Variants in HECTD4 observed in about 807,000 individuals in gnomAD.
The protein encoded by HECTD4 is probable E3 ubiquitin-protein ligase HECTD4.
Under a neutral mutation model 471.5 loss-of-function variants are expected in HECTD4, and 114 were observed. The ratio of observed to expected loss-of-function variants is 0.24; its 90% confidence interval spans 0.21 to 0.28. HECTD4 has a LOEUF of 0.28. Ranked by LOEUF, HECTD4 falls within the 10% of genes least tolerant of loss-of-function variation. HECTD4 has a pLI of 1.00. For missense variants in HECTD4, 3,866 were observed against 5,651.5 expected (o/e 0.68, Z 10.13); for synonymous variants, 2,012 against 2,256.0 (o/e 0.89, Z 3.07).
Position 112,163,538 on chromosome 12 carries a change from C to CA in HECTD4, c.12897+3_12897+4insT. The CA allele has an allele frequency of 6.9e-7, 1 of 1,459,752 alleles. No individual in the cohort carries two copies. Among genetic ancestry groups the CA allele is most frequent in the Non-Finnish European group, 9.1e-7 (1 of 1,102,196 alleles). The allele number at this position is 1,459,752 out of a possible 1,614,324, so 90.4% of individuals were successfully genotyped here. On this transcript the variant is annotated splice_donor_region_variant and intron_variant, in intron 74 of 75. Transcript: ENST00000682272. The surrounding 1 kb of genome is among the most constrained non-coding windows in gnomAD (Gnocchi z 8.2). ...CCCGCCCAGCCTGGCCCTGGGATGT[C>CA]TACCTTGAGGAACTCGAGGTTGATG... is the stretch of plus-strand genomic sequence containing the variant.
intron 45 of HECTD4, among the ~76,000 whole-genome samples, chr12:112,218,258 T>C (rs899532771): frequency 7.9e-5 from 12 of 152,026 alleles, no homozygotes. Context: ...ACATGGTAGG[T>C]GTATATATTT....
chr12:112,357,202 A>T lies in HECTD4; in HGVS notation c.177+24750T>A, dbSNP rs573373810. ...GATTTGACTGGTAAGTAAAACGCTC[A>T]TTGCCTAATGATAGGCATTTCTGTC... On this transcript the variant is annotated intron_variant, in intron 1 of 75. Coordinates refer to ENST00000682272, the MANE Select transcript of HECTD4 (RefSeq NM_001388303.1). Among the ~76,000 whole-genome samples, 3 of 152,332 alleles carry T rather than the reference A, an allele frequency of 2.0e-5. No homozygotes were observed. In the East Asian group the frequency reaches 5.8e-4, roughly 29 times the overall value.
At chr12:112,310,088 T>C (rs1357982342) in intron 4 of HECTD4, among the ~76,000 whole-genome samples, 2 of 152,198 alleles carry the variant, frequency 1.3e-5, no homozygotes, top group African/African-American at 4.8e-5. Context: ...ATGAGCTCAG[T>C]AAGTGACCCT....
At chr12:112,276,129 A>G (rs1336444594) in intron 9 of HECTD4, among the ~76,000 whole-genome samples, 1 of 152,224 alleles carries the variant, frequency 6.6e-6, no homozygotes, top group African/African-American at 2.4e-5. Flanking sequence ...GTTAAAGGCA[A>G]GCACCAATTC....
Position 112,274,934 on chromosome 12 carries a change from T to C in HECTD4, c.1714A>G (p.Ile572Val), listed in dbSNP as rs1050198416. 1.6e-5 allele frequency: 25 copies of C among 1,549,438 alleles called. No individual in the cohort carries two copies. The highest frequency in any genetic ancestry group is 2.2e-5 in the Non-Finnish European group (25 of 1,146,146). The change falls in exon 10 of 76, where the codon ATT becomes GTT. Residue 572 changes from isoleucine to valine, a missense_variant. By Grantham distance (29) the Ile-to-Val change is conservative. This residue lies in a region of HECTD4 where 525 missense variants were observed against 672.6 expected (regional missense o/e 0.78). Coordinates refer to ENST00000682272, the MANE Select transcript of HECTD4 (RefSeq NM_001388303.1). ...KILASSLVYN[I>V]SDGQFTSRAD... ...CGACTTGTAAACTGACCATCCGAAA[T>C]ATTATACACCAAGCTGGAGGCTAGG...
chr12:112,349,881 A>G (rs781660100), intron 1 of HECTD4, among the ~76,000 whole-genome samples: 34 of 152,338 alleles, frequency 2.2e-4, no homozygotes, highest in Non-Finnish European at 4.7e-4. Context: ...GACTGGGAAC[A>G]CATTGAATAA....
Position 112,162,895 on chromosome 12 carries a change from G to A in HECTD4, c.13120+147C>T, listed in dbSNP as rs377506093. On this transcript the variant is annotated intron_variant, in intron 75 of 75. Coordinates refer to ENST00000682272, the MANE Select transcript of HECTD4 (RefSeq NM_001388303.1). This position sits in a 1 kb window ranked among gnomAD's most constrained non-coding sequence, Gnocchi z 5.2. ...CAGGCCTGTATGGCTGGTTCCTGCC[G>A]GGCCCTAATCCTCAATGATGTCTGA... 2.1e-4 allele frequency: 136 copies of A among 659,092 alleles called. 2 individuals are homozygous for A. The highest frequency in any genetic ancestry group is 1.1e-3 in the South Asian group (56 of 50,420). The allele number at this position is 659,092 out of a possible 1,614,324, so 40.8% of individuals were successfully genotyped here.
intron 1 of HECTD4, among the ~76,000 whole-genome samples, chr12:112,356,402 ACT>A (rs1294356449): frequency 1.3e-5 from 2 of 151,716 alleles, no homozygotes; most frequent in Non-Finnish European, 1.5e-5. Context: ...TTTCCGTCTC[ACT>A]CTCTTTCTGG....
intron 7 of HECTD4, among the ~76,000 whole-genome samples, chr12:112,303,648 G>A (rs554418893): frequency 3.9e-5 from 6 of 152,134 alleles, no homozygotes; most frequent in African/African-American, 1.2e-4. Flanking sequence ...TCAGGAGTTC[G>A]AAGCCAGCCC....
At chr12:112,335,985 T>C (rs995279840) in intron 1 of HECTD4, among the ~76,000 whole-genome samples, 1 of 151,700 alleles carries the variant, frequency 6.6e-6, no homozygotes, top group African/African-American at 2.4e-5. Context: ...GATGAAGTTA[T>C]ATACCATCAC....
chr12:112,326,809 G>C (rs2035753821), intron 1 of HECTD4, among the ~76,000 whole-genome samples: 1 of 152,100 alleles, frequency 6.6e-6, no homozygotes, highest in Non-Finnish European at 1.5e-5. Context: ...ATAGCAGAGA[G>C]ATAATTATTG....
chr12:112,308,804 G>A lies in HECTD4; in HGVS notation c.1113C>T (p.Phe371=), dbSNP rs781321572. 6.4e-5 allele frequency: 99 copies of A among 1,535,842 alleles called. No homozygotes were observed. Among genetic ancestry groups the A allele is most frequent in the Non-Finnish European group, 8.4e-5 (96 of 1,146,840 alleles). The change falls in exon 6 of 76, where the codon TTC becomes TTT. Residue 371 remains phenylalanine (F), a synonymous_variant. Coordinates refer to ENST00000682272, the MANE Select transcript of HECTD4 (RefSeq NM_001388303.1). ...GGAAAAGGGAGTGAGGTTTATTATC[G>A]AAAGAGACAGGCCGGTGGAGAAGAC... ...SGSLLHRPVS[F]DNKPHSLFQV... is the part of the protein sequence containing the mutation.
At chr12:112,206,503 A>C (rs1323821268) in intron 52 of HECTD4, among the ~76,000 whole-genome samples, 1 of 151,800 alleles carries the variant, frequency 6.6e-6, no homozygotes, top group South Asian at 2.1e-4. Context: ...TCAAAAAAAT[A>C]ATAAAAAAAG....
intron 1 of HECTD4, among the ~76,000 whole-genome samples, chr12:112,356,266 G>A (rs564158355): frequency 6.6e-6 from 1 of 151,982 alleles, no homozygotes; most frequent in Non-Finnish European, 1.5e-5. Context: ...AAAATAAAGG[G>A]GATATTGTAA....
intron 15 of HECTD4, 77 bp downstream of exon 15, chr12:112,265,801 G>T: frequency 1.8e-6 from 2 of 1,101,198 alleles, no homozygotes; most frequent in Non-Finnish European, 2.7e-6. Flanking sequence ...GGAGACTAAA[G>T]TTGATCAAAC....
chr12:112,169,536 T>A lies in HECTD4; in HGVS notation c.12175A>T (p.Ile4059Phe). The change falls in exon 70 of 76, where the codon ATC becomes TTC. Residue 4059 changes from isoleucine (I) to phenylalanine (F), a missense_variant. Coordinates refer to ENST00000682272, the MANE Select transcript of HECTD4 (RefSeq NM_001388303.1). The part of the protein sequence containing the change: ...SGGDPTYAFN[I>F]RFTGEEVHGT... ...TGGACCTCCTCGCCAGTGAAGCGGA[T>A]GTTGAAGGCATATGTGGGGTCACCG... 6.2e-7 allele frequency: 1 copy of A among 1,613,056 alleles called. No homozygotes were observed. The highest frequency in any genetic ancestry group is 1.1e-5 in the South Asian group (1 of 91,070).
intron 44 of HECTD4, among the ~76,000 whole-genome samples, chr12:112,222,116 G>T (rs867536175): frequency 1.2e-4 from 18 of 152,158 alleles, no homozygotes; most frequent in Middle Eastern, 3.4e-3. Context: ...TAGAGACGGG[G>T]TTTCACTATC....
intron 44 of HECTD4, among the ~76,000 whole-genome samples, chr12:112,220,901 G>A (rs1022140721): frequency 5.9e-5 from 9 of 152,144 alleles, no homozygotes; most frequent in African/African-American, 2.2e-4. Flanking sequence ...GACTGCTTAA[G>A]CCCAGGAGTT....
intron 1 of HECTD4, among the ~76,000 whole-genome samples, chr12:112,339,583 GGT>G (rs768828044): frequency 2.6e-5 from 4 of 151,040 alleles, no homozygotes; most frequent in African/African-American, 7.3e-5. Context: ...GAAAATAAGG[GGT>G]GTGTGTGTGT....
Sources: allele counts gnomAD v4.1 joint callset (sites outside exome capture counted in the v4.1 genomes callset), GRCh38; gene constraint gnomAD v4.1.1; regional missense constraint gnomAD v4.1.1; non-coding constraint Gnocchi (gnomAD v3.1); transcripts MANE v1.5; gene names NCBI Gene and HGNC (gene_info 2026-07-23, HGNC 2026-07-21).